The following ACSM3 variants were observed in gnomAD, a reference collection of about 807,000 sequenced individuals.
ACSM3 encodes acyl-CoA synthetase medium chain family member 3.
In ACSM3, 61 loss-of-function variants were observed where a neutral mutation model predicts 74.1. The ratio of observed to expected loss-of-function variants is 0.82; its 90% CI spans 0.67 to 1.02. The LOEUF (loss-of-function observed/expected upper bound fraction) is 1.02, where lower values mean the gene tolerates loss of function less well. Ranked by LOEUF, ACSM3 falls within the 50% of genes least tolerant of loss-of-function variation. The pLI is 0.00. For synonymous variants in ACSM3, 213 were observed against 241.5 expected (o/e 0.88, Z 1.09); for missense variants, 660 against 697.0 (o/e 0.95, Z 0.60).
At chr16:20,785,203 T>C (rs1280331166) in intron 8 of ACSM3, 96 bp downstream of exon 8, 7 of 1,506,466 alleles carry the variant, frequency 4.6e-6, no homozygotes, top group African/African-American at 2.8e-5. Flanking sequence ...ATTTGAGGGA[T>C]AGGAGTTGAG....
chr16:20,723,723 A>G (rs1377237775), intron 1 of ACSM3, among the ~76,000 whole-genome samples: 2 of 151,898 alleles, frequency 1.3e-5, no homozygotes, highest in Non-Finnish European at 2.9e-5. Flanking sequence ...CTGCTTTTTG[A>G]TGGGGTTGTT....
chr16:20,699,912 C>A (rs2079708603), intron 1 of ACSM3, among the ~76,000 whole-genome samples: 1 of 152,138 alleles, frequency 6.6e-6, no homozygotes, highest in Non-Finnish European at 1.5e-5. Context: ...CTTTCATTTC[C>A]CAACCTCTCT....
chr16:20,706,844 A>G lies in ACSM3; in HGVS notation c.-190+32022A>G, dbSNP rs552996742. ...GCAGTAAGCAATCAGTCCTGCTTGC[A>G]TAAGGACCCAGAGAGAGACATGTCC... On this transcript the variant is annotated intron_variant, in intron 1 of 3. Coordinates refer to the ACSM3 transcript ENST00000561584. 1.6e-4 allele frequency among the ~76,000 whole-genome samples: 24 copies of G among 152,286 alleles called. 1 individual carries two copies. The South Asian group carries it at 5.0e-3, about 32-fold the overall frequency.
chr16:20,738,020 T>C (rs1394561623), intron 1 of ACSM3: 1 of 1,466,716 alleles, frequency 6.8e-7, no homozygotes, highest in Non-Finnish European at 9.2e-7. Flanking sequence ...AACTCTAAAA[T>C]GAATTTTCAC....
At chr16:20,691,011 C>T (rs1482527607) in intron 1 of ACSM3, 4 of 1,609,492 alleles carry the variant, frequency 2.5e-6, no homozygotes, top group East Asian at 4.5e-5. Context: ...TCCTTTTGAG[C>T]CCAGTAGTCC....
At chr16:20,755,788 C>A (rs533523076) in intron 3 of ACSM3, among the ~76,000 whole-genome samples, 5 of 109,314 alleles carry the variant, frequency 4.6e-5, no homozygotes, top group Admixed American at 2.0e-4. Context: ...CTCCCCCCCC[C>A]CCACCCCACA....
intron 1 of ACSM3, chr16:20,739,095 A>T: frequency 6.2e-7 from 1 of 1,612,572 alleles, no homozygotes; most frequent in Non-Finnish European, 8.5e-7. Context: ...ACTAATGAGC[A>T]GAAATGACAC....
intron 1 of ACSM3, among the ~76,000 whole-genome samples, chr16:20,726,739 C>CAAAGG (rs2079807784): frequency 2.0e-5 from 3 of 152,328 alleles, no homozygotes; most frequent in African/African-American, 7.2e-5. Context: ...ACTAAGCCTC[C>CAAAGG]ATCAACTCCA....
At position 20,752,261 on chromosome 16, in the gene ACSM3, C is replaced by T. The variant is rs2079994766; in HGVS notation, c.-96+2258C>T. On this transcript the variant is annotated intron_variant, in intron 2 of 3. Transcript: ENST00000561584. ...AGCTCACACCTGTAATCTCAGCATT[C>T]TGGGAGGCCAAGGCCAGAGGATCAC... 2.0e-5 allele frequency among the ~76,000 whole-genome samples: 3 copies of T among 152,026 alleles called. No homozygotes were observed. In the South Asian group the frequency reaches 6.2e-4, roughly 32 times the overall value.
chr16:20,738,835 CCT>C, intron 1 of ACSM3: 2 of 1,572,220 alleles, frequency 1.3e-6, no homozygotes, highest in South Asian at 2.3e-5. Context: ...AGCAGTATTC[CCT>C]GAGACAGGAA....
intron 1 of ACSM3, chr16:20,764,830 T>C (rs1223997286): frequency 6.6e-6 from 1 of 152,236 alleles, no homozygotes; most frequent in African/African-American, 2.4e-5. Context: ...CCAGAAAGTA[T>C]GTAAATTACT....
chr16:20,772,480 T>G (rs1567347552), intron 2 of ACSM3, among the ~76,000 whole-genome samples: 1 of 152,172 alleles, frequency 6.6e-6, no homozygotes, highest in Non-Finnish European at 1.5e-5. Context: ...CTTCGGTTGT[T>G]TTATAGTTTT....
intron 6 of ACSM3, 149 bp downstream of exon 6, chr16:20,781,279 T>A: frequency 1.0e-6 from 1 of 1,000,948 alleles, no homozygotes; most frequent in Non-Finnish European, 1.4e-6. Flanking sequence ...CCTGAAAAGA[T>A]ACACTCGGCC....
At chr16:20,778,593 A>G (rs2080286281) in intron 4 of ACSM3, among the ~76,000 whole-genome samples, 2 of 152,302 alleles carry the variant, frequency 1.3e-5, no homozygotes, top group Admixed American at 1.3e-4. Flanking sequence ...AAATGCTAGT[A>G]TCTGGCAGAG....
rs1259874893 is a variant in ACSM3 at position 20,688,548 on chromosome 16, C to T, written c.-190+13726C>T. ...CAGCAAGAGAAAAGCAACTCATGTA[C>T]AAGAGATTCTCAATAAGATTATCAG... On this transcript the variant is annotated intron_variant, in intron 1 of 3. Transcript: ENST00000561584. Among the ~76,000 whole-genome samples, 6 of 152,014 alleles carry T rather than the reference C, an allele frequency of 3.9e-5. No homozygotes were observed. In the South Asian group the frequency reaches 1.0e-3, roughly 26 times the overall value.
chr16:20,679,274 C>T (rs998471648), intron 1 of ACSM3: 5 of 152,298 alleles, frequency 3.3e-5, no homozygotes, highest in African/African-American at 1.2e-4. Flanking sequence ...CCGAATAGAC[C>T]TACGGCGAAT....
chr16:20,779,848 T>C (rs2080314909), intron 4 of ACSM3: 1 of 197,772 alleles, frequency 5.1e-6, no homozygotes, highest in Non-Finnish European at 1.1e-5. Context: ...CTTGGCTCAC[T>C]GCAACCTCCA....
chr16:20,768,197 A>G (rs377759363), intron 1 of ACSM3, among the ~76,000 whole-genome samples: 2 of 152,228 alleles, frequency 1.3e-5, no homozygotes, highest in African/African-American at 2.4e-5. Flanking sequence ...TGGAGGTTCT[A>G]TTAGTCGCTC....
At chr16:20,685,742 C>T (rs566577570) in intron 1 of ACSM3, among the ~76,000 whole-genome samples, 1 of 149,354 alleles carries the variant, frequency 6.7e-6, no homozygotes, top group Non-Finnish European at 1.5e-5. Flanking sequence ...ATTGCTTGAA[C>T]CCAGGAGGCA....
Sources: allele counts gnomAD v4.1 joint callset (sites outside exome capture counted in the v4.1 genomes callset), GRCh38; gene constraint gnomAD v4.1.1; transcripts MANE v1.5; gene names NCBI Gene and HGNC (gene_info 2026-07-23, HGNC 2026-07-21).